ADAMTSL1: variants seen among roughly 807,000 people sequenced by gnomAD.
ADAMTSL1 encodes ADAMTS-like protein 1.
A neutral mutation model predicts 201.8 loss-of-function variants in ADAMTSL1; 126 were observed. The observed-to-expected ratio is 0.62, with a 90% CI of 0.54 to 0.72. ADAMTSL1 has a LOEUF of 0.72. ADAMTSL1 is among the 30% of genes least tolerant of loss of function. The pLI is 0.00. For synonymous variants in ADAMTSL1, 1,121 were observed against 903.4 expected (o/e 1.24, Z -4.32); for missense variants, 2,679 against 2,277.8 (o/e 1.18, Z -3.59).
chr9:18,764,863 A>G (rs531977389), intron 16 of ADAMTSL1, among the ~76,000 whole-genome samples: 5 of 152,344 alleles, frequency 3.3e-5, no homozygotes, highest in Admixed American at 2.0e-4. Context: ...TTTTATCAAC[A>G]TGTTGTTACA....
At chr9:18,469,779 G>A (rs887876973), upstream of ADAMTSL1, among the ~76,000 whole-genome samples, 1 of 152,250 alleles carries the variant, frequency 6.6e-6, no homozygotes, top group African/African-American at 2.4e-5. Flanking sequence ...AGAGCAAAGT[G>A]TAGTAGCTTC....
At chr9:18,712,633 T>C (rs887972195) in intron 14 of ADAMTSL1, among the ~76,000 whole-genome samples, 7 of 150,362 alleles carry the variant, frequency 4.7e-5, no homozygotes, top group African/African-American at 1.5e-4. Context: ...TTGGTGTACC[T>C]GAAAGTGACG....
intron 23 of ADAMTSL1, among the ~76,000 whole-genome samples, chr9:18,843,230 G>A (rs1388022942): frequency 3.3e-5 from 5 of 150,684 alleles, no homozygotes; most frequent in Non-Finnish European, 7.4e-5. Context: ...GGCAGGCCTG[G>A]TGGTGACAAA....
chr9:18,605,653 T>C (rs1467952852), intron 4 of ADAMTSL1, among the ~76,000 whole-genome samples: 2 of 152,220 alleles, frequency 1.3e-5, no homozygotes, highest in Non-Finnish European at 2.9e-5. Context: ...TCCCTCATTT[T>C]GTAACTGCAT....
intron 21 of ADAMTSL1, 148 bp downstream of exon 21, chr9:18,817,385 G>T: frequency 1.4e-6 from 1 of 738,016 alleles, no homozygotes; most frequent in Non-Finnish European, 2.1e-6. Context: ...TCTGAAAGTA[G>T]AAAGTGCTAC....
At chr9:18,263,815 A>G (rs35289513) in intron 2 of ADAMTSL1, among the ~76,000 whole-genome samples, 6,942 of 152,210 alleles carry the variant, frequency 0.046, 244 homozygotes, top group Non-Finnish European at 0.074. Context: ...ACGTGAACAC[A>G]CAGGGGGATG....
In ADAMTSL1 at chr9:18,892,567, G is replaced by A; in HGVS notation, c.4822G>A (p.Val1608Met). The A allele has an allele frequency of 6.4e-7, 1 of 1,571,064 alleles. No individual in the cohort carries two copies. The highest frequency in any genetic ancestry group is 8.6e-7 in the Non-Finnish European group (1 of 1,157,782). ...CCAGGCCTGTAACCAGCAGCTGTGTGTGGAGTGGGCCTTCTCCAGCTGGGG... is the reference window on the plus strand; with the variant it reads ...CCAGGCCTGTAACCAGCAGCTGTGTATGGAGTGGGCCTTCTCCAGCTGGGG... ...DTQACNQQLC[V>M]EWAFSSWGQC... The change falls in exon 26 of 29, where the codon GTG becomes ATG. Residue 1608 changes from valine to methionine, a missense_variant. By Grantham distance (21) the Val-to-Met change is conservative (BLOSUM62 1). Coordinates refer to ENST00000380548, the MANE Select transcript of ADAMTSL1 (RefSeq NM_001040272.6).
chr9:18,851,877 T>C (rs1344692314), intron 23 of ADAMTSL1, among the ~76,000 whole-genome samples: 1 of 152,236 alleles, frequency 6.6e-6, no homozygotes, highest in East Asian at 1.9e-4. Context: ...TTGAGCCCAC[T>C]GGCCCAGCTC....
At chr9:17,946,654 G>A (rs939442773) in intron 1 of ADAMTSL1, among the ~76,000 whole-genome samples, 2 of 152,076 alleles carry the variant, frequency 1.3e-5, no homozygotes, top group African/African-American at 4.8e-5. Flanking sequence ...CCCACCAGTA[G>A]AAGCTATTAT....
At chr9:17,950,396 A>G (rs188989764) in intron 1 of ADAMTSL1, among the ~76,000 whole-genome samples, 14 of 152,120 alleles carry the variant, frequency 9.2e-5, no homozygotes, top group African/African-American at 3.4e-4. Context: ...TCCTCTTTGA[A>G]CTTTTCCAAA....
intron 2 of ADAMTSL1, among the ~76,000 whole-genome samples, chr9:18,422,401 A>T (rs1818997585): frequency 6.6e-6 from 1 of 152,150 alleles, no homozygotes; most frequent in South Asian, 2.1e-4. Context: ...CTCTCTGAAT[A>T]ATGTTACATT....
intron 13 of ADAMTSL1, among the ~76,000 whole-genome samples, chr9:18,692,550 G>C (rs1487071673): frequency 6.6e-6 from 1 of 152,120 alleles, no homozygotes; most frequent in Non-Finnish European, 1.5e-5. Flanking sequence ...TATGCACCCT[G>C]TCACCACCAA....
At chr9:18,209,804 TAA>T (rs1239203563) in intron 2 of ADAMTSL1, among the ~76,000 whole-genome samples, 1 of 152,146 alleles carries the variant, frequency 6.6e-6, no homozygotes, top group Non-Finnish European at 1.5e-5. Flanking sequence ...TTCATTTTGT[TAA>T]TTGGTGACTT....
At chr9:18,122,817 A>G (rs1378004883) in intron 1 of ADAMTSL1, among the ~76,000 whole-genome samples, 2 of 152,002 alleles carry the variant, frequency 1.3e-5, no homozygotes, top group Non-Finnish European at 2.9e-5. Flanking sequence ...GTCTCACTGT[A>G]GCCTCAACCT....
chr9:18,722,885 C>G, intron 15 of ADAMTSL1: 1 of 688,604 alleles, frequency 1.5e-6, no homozygotes. Context: ...CCTGAGTAAC[C>G]TCGTTTTCTA....
intron 4 of ADAMTSL1, among the ~76,000 whole-genome samples, chr9:18,582,091 T>C (rs1203426160): frequency 6.6e-6 from 1 of 152,190 alleles, no homozygotes; most frequent in African/African-American, 2.4e-5. Context: ...AATAACTGCA[T>C]CTCTATTCCT....
intron 14 of ADAMTSL1, 150 bp downstream of exon 14, chr9:18,707,198 A>G: frequency 9.7e-7 from 1 of 1,033,724 alleles, no homozygotes; most frequent in Non-Finnish European, 1.4e-6. Flanking sequence ...AAGCACACTG[A>G]ATCAAACACA....
chr9:18,191,071 A>G (rs1392803845), intron 2 of ADAMTSL1, among the ~76,000 whole-genome samples: 1 of 152,214 alleles, frequency 6.6e-6, no homozygotes, highest in Non-Finnish European at 1.5e-5. Context: ...AGAGGACTCC[A>G]AAAGAAATAT....
chr9:18,577,219 C>T (rs964662126), intron 4 of ADAMTSL1, among the ~76,000 whole-genome samples: 1 of 152,200 alleles, frequency 6.6e-6, no homozygotes, highest in African/African-American at 2.4e-5. Flanking sequence ...GGCACGGTGT[C>T]TCATGCCTGT....
Sources: gnomAD v4.1 joint callset for allele counts (sites outside exome capture counted in the v4.1 genomes callset) on GRCh38, gnomAD v4.1.1 for gene constraint, MANE v1.5 for transcripts, NCBI Gene and HGNC (gene_info 2026-07-23, HGNC 2026-07-21) for gene names.